KHDRBS2: variants seen among roughly 807,000 people sequenced by gnomAD.
KHDRBS2 encodes KH domain-containing, RNA-binding, signal transduction-associated protein 2.
In KHDRBS2, 26 loss-of-function variants were observed where a neutral mutation model predicts 44.3. The ratio of observed to expected loss-of-function variants is 0.59; its 90% CI spans 0.43 to 0.81. KHDRBS2 has a LOEUF of 0.81. KHDRBS2 is among the 40% of genes least tolerant of loss of function. The pLI is 0.00. For synonymous variants in KHDRBS2, 194 were observed against 151.1 expected, an observed-to-expected ratio of 1.28 and a Z score of -2.08; for missense variants, 476 against 433.1, an observed-to-expected ratio of 1.10 and a Z score of -0.88.
intron 4 of KHDRBS2, among the ~76,000 whole-genome samples, chr6:61,912,248 A>T (rs2127352077): frequency 6.6e-6 from 1 of 152,328 alleles, no homozygotes; most frequent in African/African-American, 2.4e-5. Context: ...AATACATCAA[A>T]AAGATGTGTC....
chr6:61,818,867 C>A (rs1005544418), intron 6 of KHDRBS2, among the ~76,000 whole-genome samples: 1 of 151,740 alleles, frequency 6.6e-6, no homozygotes, highest in South Asian at 2.1e-4. Flanking sequence ...TTACTTTGAG[C>A]GATATTTTTT....
intron 6 of KHDRBS2, among the ~76,000 whole-genome samples, chr6:61,891,945 A>G (rs1801921392): frequency 6.6e-6 from 1 of 152,194 alleles, no homozygotes; most frequent in Non-Finnish European, 1.5e-5. Context: ...CAATCATGAA[A>G]AAAGGAAGTC....
rs184685188 is a variant in KHDRBS2, at chr6:62,139,710, C to T, written c.219+37475G>A. 1.9e-3 allele frequency among the ~76,000 whole-genome samples: 293 copies of T among 152,242 alleles called. 1 individual carries two copies. The Middle Eastern group carries it at 0.034, about 18-fold the overall frequency. On this transcript the variant is annotated intron_variant, in intron 2 of 8. Transcript: ENST00000281156. ...CTCTCCAGGACAATATACACTTAAT[C>T]TGAGCTATGCAATACTGATGAGAAG...
At chr6:61,762,900 T>A (rs1009351008) in intron 6 of KHDRBS2, among the ~76,000 whole-genome samples, 2 of 152,156 alleles carry the variant, frequency 1.3e-5, no homozygotes, top group East Asian at 3.8e-4. Context: ...GCCGTTGCTT[T>A]TTTTTTGCCT....
the KHDRBS2 span, among the ~76,000 whole-genome samples, chr6:61,564,533 T>C: frequency 3.0e-4 from 46 of 152,100 alleles, no homozygotes; most frequent in Non-Finnish European, 4.0e-4. Flanking sequence ...CCCTCCTTTA[T>C]ATAAAATGAA....
chr6:61,674,446 A>T, the KHDRBS2 span, among the ~76,000 whole-genome samples: 1 of 151,728 alleles, frequency 6.6e-6, no homozygotes, highest in South Asian at 2.1e-4. Context: ...TAGCAGTGTG[A>T]CACTACTTCC....
intron 6 of KHDRBS2, among the ~76,000 whole-genome samples, chr6:61,889,596 T>C (rs1278744264): frequency 1.2e-4 from 1 of 8,260 alleles, no homozygotes; most frequent in African/African-American, 5.6e-4. Flanking sequence ...CATCCTGTCA[T>C]GGGGTGGGTG....
chr6:61,616,967 T>C, the KHDRBS2 span, among the ~76,000 whole-genome samples: 1 of 152,176 alleles, frequency 6.6e-6, no homozygotes, highest in African/African-American at 2.4e-5. Context: ...TTTTATTGAG[T>C]ACTTTTTTTT....
chr6:61,797,825 C>T (rs551247526), intron 6 of KHDRBS2, among the ~76,000 whole-genome samples: 97 of 149,988 alleles, frequency 6.5e-4, no homozygotes, highest in Middle Eastern at 3.4e-3. Context: ...AGATAAAATA[C>T]ATGAATTTGT....
intron 1 of KHDRBS2, among the ~76,000 whole-genome samples, chr6:62,188,504 A>T (rs1823920810): frequency 6.6e-6 from 1 of 152,174 alleles, no homozygotes; most frequent in Non-Finnish European, 1.5e-5. Context: ...GGGTAATGGC[A>T]TATAAAATGG....
At chr6:61,773,637 C>G (rs1203362534) in intron 6 of KHDRBS2, among the ~76,000 whole-genome samples, 6 of 149,418 alleles carry the variant, frequency 4.0e-5, no homozygotes, top group Admixed American at 2.7e-4. Flanking sequence ...TGCAGAAGCT[C>G]TTTAGTTTAA....
At chr6:62,118,999 C>G (rs112806021) in intron 2 of KHDRBS2, among the ~76,000 whole-genome samples, 1 of 152,162 alleles carries the variant, frequency 6.6e-6, no homozygotes, top group East Asian at 1.9e-4. Context: ...ATAGATCCAT[C>G]TATCCTACTG....
intron 6 of KHDRBS2, among the ~76,000 whole-genome samples, chr6:61,846,125 G>A (rs1794372130): frequency 6.6e-6 from 1 of 152,178 alleles, no homozygotes; most frequent in Non-Finnish European, 1.5e-5. Context: ...CCCAAGAGCA[G>A]ATGATCCTAT....
intron 6 of KHDRBS2, among the ~76,000 whole-genome samples, chr6:61,863,278 T>C (rs1428804473): frequency 1.3e-5 from 2 of 150,472 alleles, no homozygotes; most frequent in Non-Finnish European, 3.0e-5. Context: ...TTTTTTTGTC[T>C]TTCAATCTCC....
chr6:61,877,747 A>G (rs1273072105), intron 6 of KHDRBS2, among the ~76,000 whole-genome samples: 1 of 152,018 alleles, frequency 6.6e-6, no homozygotes, highest in African/African-American at 2.4e-5. Context: ...ACATCTCTTT[A>G]GAAAATGGTT....
At chr6:61,867,404 A>G (rs1274891143) in intron 6 of KHDRBS2, among the ~76,000 whole-genome samples, 1 of 152,152 alleles carries the variant, frequency 6.6e-6, no homozygotes, top group Non-Finnish European at 1.5e-5. Context: ...GTGGGAATTC[A>G]AGATGAGATT....
chr6:62,268,117 C>T (rs959640276), intron 1 of KHDRBS2, among the ~76,000 whole-genome samples: 5 of 151,976 alleles, frequency 3.3e-5, no homozygotes, highest in Admixed American at 1.3e-4. Context: ...ATTCATTTCT[C>T]TTCCTGTCCT....
At chr6:62,262,935 T>C (rs1478003088) in intron 1 of KHDRBS2, among the ~76,000 whole-genome samples, 2 of 151,758 alleles carry the variant, frequency 1.3e-5, no homozygotes, top group African/African-American at 2.4e-5. Context: ...GTAAAACTGA[T>C]ACCTTGGTCA....
At chr6:61,823,278 G>T (rs1427581256) in intron 6 of KHDRBS2, among the ~76,000 whole-genome samples, 1 of 151,926 alleles carries the variant, frequency 6.6e-6, no homozygotes, top group Non-Finnish European at 1.5e-5. Flanking sequence ...CATCAGTGAG[G>T]AAAAATTCAG....
Sources: gnomAD v4.1 joint callset for allele counts (sites outside exome capture counted in the v4.1 genomes callset) on GRCh38, gnomAD v4.1.1 for gene constraint, MANE v1.5 for transcripts, NCBI Gene and HGNC (gene_info 2026-07-23, HGNC 2026-07-21) for gene names.